Variants in DGKG observed in about 807,000 individuals in gnomAD.
DGKG encodes DAG kinase gamma.
In DGKG, 78 loss-of-function variants were observed where a neutral mutation model predicts 105.3. That is an observed-to-expected ratio of 0.74 (90% confidence interval 0.62 to 0.89). The LOEUF (loss-of-function observed/expected upper bound fraction) is 0.89. DGKG is among the 40% of genes least tolerant of loss of function. DGKG has a pLI of 0.00. For missense variants in DGKG, 958 were observed against 1,020.1 expected, an observed-to-expected ratio of 0.94 and a Z score of 0.83; for synonymous variants, 346 against 367.1, an observed-to-expected ratio of 0.94 and a Z score of 0.66.
intron 22 of DGKG, among the ~76,000 whole-genome samples, chr3:186,186,798 T>C (rs748924430): frequency 3.3e-5 from 5 of 152,286 alleles, no homozygotes; most frequent in Admixed American, 6.5e-5. Flanking sequence ...GGAGCTTTGA[T>C]TGAATCTCTC....
intron 5 of DGKG, among the ~76,000 whole-genome samples, chr3:186,293,078 C>A (rs191437655): frequency 3.9e-5 from 6 of 152,220 alleles, no homozygotes; most frequent in Non-Finnish European, 8.8e-5. Flanking sequence ...CTCACTCCCC[C>A]ACCAGAGTGG....
chr3:186,304,128 T>G (rs1469633234), intron 3 of DGKG, among the ~76,000 whole-genome samples: 1 of 152,230 alleles, frequency 6.6e-6, no homozygotes, highest in Non-Finnish European at 1.5e-5. Flanking sequence ...TGAAAGCTCC[T>G]GTGGCCTCCA....
chr3:186,200,069 G>A (rs1002163354), intron 21 of DGKG, among the ~76,000 whole-genome samples: 1 of 152,074 alleles, frequency 6.6e-6, no homozygotes, highest in African/African-American at 2.4e-5. Context: ...TCATTTTAAG[G>A]CGGACCATGA....
At chr3:186,263,178 C>G (rs1721865810) in intron 14 of DGKG, among the ~76,000 whole-genome samples, 1 of 150,688 alleles carries the variant, frequency 6.6e-6, no homozygotes. Context: ...CCACCACCAC[C>G]ACCAACAAAA....
chr3:186,311,603 C>T (rs1724547049), intron 2 of DGKG, among the ~76,000 whole-genome samples: 1 of 152,120 alleles, frequency 6.6e-6, no homozygotes, highest in South Asian at 2.1e-4. Flanking sequence ...AACTCTGGGA[C>T]CTAAACCAAG....
intron 22 of DGKG, among the ~76,000 whole-genome samples, chr3:186,169,087 T>C (rs1009332946): frequency 2.6e-5 from 4 of 152,204 alleles, no homozygotes; most frequent in Admixed American, 6.5e-5. Context: ...ACAGGAAATC[T>C]CCCTACCCCC....
chr3:186,279,669 A>G, intron 9 of DGKG, 182 bp downstream of exon 9: 1 of 561,008 alleles, frequency 1.8e-6, no homozygotes, highest in Non-Finnish European at 3.1e-6. Context: ...AATGTCTGTC[A>G]AATGAATATA....
intron 20 of DGKG, among the ~76,000 whole-genome samples, chr3:186,232,581 A>G (rs1286897531): frequency 6.6e-6 from 1 of 152,218 alleles, no homozygotes; most frequent in Non-Finnish European, 1.5e-5. Context: ...GTGTTTCTCC[A>G]TGATGGGAAT....
chr3:186,205,257 CAAAAAAAAA>C (rs71164580), intron 21 of DGKG, among the ~76,000 whole-genome samples: 9 of 72,976 alleles, frequency 1.2e-4, no homozygotes, highest in African/African-American at 4.4e-4. Context: ...AACTCCTTCT[CAAAAAAAAA>C]AAAAAAAAAA....
intron 2 of DGKG, among the ~76,000 whole-genome samples, chr3:186,314,188 C>T (rs1171695209): frequency 9.4e-6 from 1 of 106,612 alleles, no homozygotes; most frequent in African/African-American, 3.2e-5. Flanking sequence ...CACACACACA[C>T]ACACACACAC....
chr3:186,307,878 T>TC (rs1201790984), intron 2 of DGKG, among the ~76,000 whole-genome samples: 7 of 92,922 alleles, frequency 7.5e-5, no homozygotes, highest in South Asian at 7.6e-4. Flanking sequence ...GACAACTCTG[T>TC]CCCTTTTTTT....
intron 1 of DGKG, among the ~76,000 whole-genome samples, chr3:186,333,532 G>A (rs1725695180): frequency 6.6e-6 from 1 of 152,132 alleles, no homozygotes; most frequent in Non-Finnish European, 1.5e-5. Flanking sequence ...TATATTCCCT[G>A]CAGAATTTTC....
At chr3:186,262,272 C>G (rs1270968168) in intron 14 of DGKG, among the ~76,000 whole-genome samples, 1 of 152,174 alleles carries the variant, frequency 6.6e-6, no homozygotes, top group Non-Finnish European at 1.5e-5. Flanking sequence ...GTACTGTCGA[C>G]TGGACGTCTC....
chr3:186,307,101 A>G (rs952608147), intron 2 of DGKG, 124 bp from the exon 3 acceptor site: 11 of 682,814 alleles, frequency 1.6e-5, no homozygotes, highest in African/African-American at 1.4e-4. Flanking sequence ...AAATCTGGAG[A>G]AATGTCACCC....
chr3:186,265,972 C>A (rs7619196), intron 13 of DGKG, among the ~76,000 whole-genome samples: 39,303 of 151,950 alleles, frequency 0.26, 5,145 homozygotes, highest in South Asian at 0.3. Flanking sequence ...GCCTGGCCGT[C>A]GACTTGGCTT....
At chr3:186,357,494 G>A (rs1265054783) in intron 1 of DGKG, among the ~76,000 whole-genome samples, 1 of 152,190 alleles carries the variant, frequency 6.6e-6, no homozygotes, top group Non-Finnish European at 1.5e-5. Context: ...TCTCCTATCA[G>A]CTTTGTGACC....
rs978312276 is a variant in DGKG, at chr3:186,261,861, G to A, written c.1270-83C>T. 4.6e-6 allele frequency: 4 copies of A among 878,708 alleles called. No individual in the cohort carries two copies. In the African/African-American group the frequency reaches 5.1e-5, roughly 11 times the overall value. The allele number at this position is 878,708 out of a possible 1,614,324, so 54.4% of individuals were successfully genotyped here. On this transcript the variant is annotated intron_variant, in intron 14 of 24. Transcript: ENST00000265022. ...TGAGAGTTGAAGCCAAGACAGCTTC[G>A]GAGAGGCAGATGAGAAGCAGGAGGG...
At chr3:186,338,571 G>A (rs1217265172) in intron 1 of DGKG, among the ~76,000 whole-genome samples, 3 of 152,166 alleles carry the variant, frequency 2.0e-5, no homozygotes, top group Non-Finnish European at 4.4e-5. Flanking sequence ...GATGTGAAAG[G>A]ATGTACATGA....
intron 21 of DGKG, among the ~76,000 whole-genome samples, chr3:186,200,947 G>T (rs556251783): frequency 1.3e-5 from 2 of 152,328 alleles, no homozygotes; most frequent in East Asian, 3.9e-4. Context: ...AGGGGGTGTT[G>T]GCAGGCAGAC....
Sources: gnomAD v4.1 joint callset for allele counts (sites outside exome capture counted in the v4.1 genomes callset) on GRCh38, gnomAD v4.1.1 for gene constraint, MANE v1.5 for transcripts, NCBI Gene and HGNC (gene_info 2026-07-23, HGNC 2026-07-21) for gene names.